Variants in COL23A1 observed in about 807,000 individuals in gnomAD.
COL23A1 encodes the protein collagen alpha-1(XXIII) chain.
COL23A1 carries 97 observed loss-of-function variants against 99.3 expected under a neutral mutation model. The observed-to-expected ratio is 0.98, with a 90% CI of 0.83 to 1.16. The LOEUF (loss-of-function observed/expected upper bound fraction) is 1.16. Ranked by LOEUF, COL23A1 falls within the 50% of genes most tolerant of loss-of-function variation. COL23A1 has a pLI of 0.00. For missense variants in COL23A1, 762 were observed against 757.4 expected, an observed-to-expected ratio of 1.01 and a Z score of -0.07; for synonymous variants, 320 against 308.2, an observed-to-expected ratio of 1.04 and a Z score of -0.40.
At chr5:178,471,507 C>G (rs2546638) in intron 2 of COL23A1, among the ~76,000 whole-genome samples, 120,386 of 151,236 alleles carry the variant, frequency 0.8, 49,050 homozygotes, top group Non-Finnish European at 0.9. Context: ...CCAAAGTGCT[C>G]GGATTACGGG....
intron 2 of COL23A1, among the ~76,000 whole-genome samples, chr5:178,478,019 G>T (rs562238514): frequency 6.6e-6 from 1 of 152,330 alleles, no homozygotes; most frequent in African/African-American, 2.4e-5. Context: ...CCAGGGTGTG[G>T]GAGGAGGGAG....
At chr5:178,294,079 C>T (rs147912099) in intron 3 of COL23A1, among the ~76,000 whole-genome samples, 30 of 152,102 alleles carry the variant, frequency 2.0e-4, no homozygotes, top group African/African-American at 6.8e-4. Context: ...AGAATGACAC[C>T]CCATCACCAC....
At chr5:178,522,951 C>T (rs1000554850) in intron 2 of COL23A1, among the ~76,000 whole-genome samples, 3 of 151,418 alleles carry the variant, frequency 2.0e-5, no homozygotes, top group Non-Finnish European at 4.4e-5. Context: ...TGGGCATCCC[C>T]TGCCCTATAC....
chr5:178,539,611 T>C (rs959608967), intron 2 of COL23A1, among the ~76,000 whole-genome samples: 1 of 140,306 alleles, frequency 7.1e-6, no homozygotes, highest in African/African-American at 2.6e-5. Context: ...TGAAGCAGAG[T>C]TCTCTATTAA....
chr5:178,527,408 T>C lies in COL23A1; in HGVS notation c.361+33274A>G, dbSNP rs1760370417. 2.6e-5 allele frequency among the ~76,000 whole-genome samples: 4 copies of C among 152,214 alleles called. No individual in the cohort carries two copies. In the South Asian group the frequency reaches 8.3e-4, roughly 32 times the overall value. On this transcript the variant is annotated intron_variant, in intron 2 of 28. Coordinates refer to ENST00000390654, the MANE Select transcript of COL23A1 (RefSeq NM_173465.4). ...CATCTGTCTGTCCTGAGATCAGCGGTTGACCCCCTCATCTCTCTTCCCTGG... is the reference window on the plus strand; with the variant it reads ...CATCTGTCTGTCCTGAGATCAGCGGCTGACCCCCTCATCTCTCTTCCCTGG...
chr5:178,258,262 T>TATATATATATATATATATACACACAC, intron 12 of COL23A1, among the ~76,000 whole-genome samples: 2 of 104,128 alleles, frequency 1.9e-5, no homozygotes, highest in Non-Finnish European at 4.5e-5. Flanking sequence ...TATATATATA[T>TATATATATATATATATATACACACAC]ACACATGCAA....
In COL23A1 at chr5:178,256,356, G is replaced by A. The variant is rs1417265827; in HGVS notation, c.879C>T (p.Pro293=). The A allele has an allele frequency of 1.9e-6, 3 of 1,602,800 alleles. No homozygotes were observed. Among genetic ancestry groups the A allele is most frequent in the South Asian group, 1.1e-5 (1 of 89,982 alleles). ...CGCCTGAGGGGCGGCAGCTTACCCG[G>A]GGCCCTGCAGCTCCATCCGTGCCTC... ...GHRGTDGAAG[P]RGAPGLKGEQ... The change falls in exon 15 of 29, where the codon CCC becomes CCT. Residue 293 remains proline, a synonymous_variant. Coordinates refer to ENST00000390654, the MANE Select transcript of COL23A1 (RefSeq NM_173465.4).
At chr5:178,502,730 T>G (rs1398993411) in intron 2 of COL23A1, among the ~76,000 whole-genome samples, 1 of 152,244 alleles carries the variant, frequency 6.6e-6, no homozygotes, top group East Asian at 1.9e-4. Flanking sequence ...ATTCACATAG[T>G]TGACGGTCCA....
chr5:178,414,022 A>G (rs1186373833), intron 2 of COL23A1, among the ~76,000 whole-genome samples: 3 of 152,166 alleles, frequency 2.0e-5, no homozygotes. Context: ...ACCAGCCTGC[A>G]GCTGGGGCTA....
intron 2 of COL23A1, among the ~76,000 whole-genome samples, chr5:178,553,148 C>T (rs1161935796): frequency 3.5e-5 from 5 of 143,288 alleles, no homozygotes; most frequent in African/African-American, 5.2e-5. Context: ...TCTGCCTGGC[C>T]GACAGAGTGA....
In COL23A1 at chr5:178,325,488, CT is replaced by C. The variant is rs35087291; in HGVS notation, c.362-18570del. Reference sequence around the variant, plus strand: ...CAAGTCTCCAACATCCTTTCTCCCTCTTTTTTTTTTTGGCCAGGAAAACTCC... The same window carrying C: ...CAAGTCTCCAACATCCTTTCTCCCTCTTTTTTTTTTGGCCAGGAAAACTCC... On this transcript the variant is annotated intron_variant, in intron 2 of 28. Transcript: ENST00000390654. 1.3e-3 allele frequency among the ~76,000 whole-genome samples: 190 copies of C among 147,992 alleles called. 2 individuals carry two copies. The South Asian group carries it at 0.022, about 17-fold the overall frequency.
intron 2 of COL23A1, among the ~76,000 whole-genome samples, chr5:178,552,235 C>T (rs1562082591): frequency 6.6e-6 from 1 of 152,168 alleles, no homozygotes; most frequent in Non-Finnish European, 1.5e-5. Flanking sequence ...TCTGCAATTG[C>T]CTCTAAGAAT....
chr5:178,260,916 G>C (rs978222331), intron 11 of COL23A1, among the ~76,000 whole-genome samples: 27 of 152,192 alleles, frequency 1.8e-4, no homozygotes, highest in Admixed American at 1.4e-3. Flanking sequence ...GTGGATACTT[G>C]TCAACACACA....
At chr5:178,343,060 T>C (rs543211045) in intron 2 of COL23A1, among the ~76,000 whole-genome samples, 1 of 152,352 alleles carries the variant, frequency 6.6e-6, no homozygotes, top group Non-Finnish European at 1.5e-5. Flanking sequence ...CTTTGCACCC[T>C]GAATTTTACA....
intron 3 of COL23A1, among the ~76,000 whole-genome samples, chr5:178,291,247 C>T (rs914298310): frequency 4.6e-5 from 7 of 152,312 alleles, no homozygotes; most frequent in East Asian, 3.9e-4. Flanking sequence ...CGGCAGTCAG[C>T]GGCCAGCACG....
chr5:178,585,421 C>T (rs1291734131), intron 1 of COL23A1, among the ~76,000 whole-genome samples: 1 of 150,958 alleles, frequency 6.6e-6, no homozygotes. Flanking sequence ...TAACACTCCA[C>T]AGCCCTGGTT....
intron 2 of COL23A1, among the ~76,000 whole-genome samples, chr5:178,528,465 C>T (rs1760448423): frequency 1.3e-5 from 2 of 152,194 alleles, no homozygotes; most frequent in Admixed American, 1.3e-4. Context: ...GGCTGGTCTT[C>T]ACTCCCTGGC....
chr5:178,528,509 T>G (rs1486979096), intron 2 of COL23A1, among the ~76,000 whole-genome samples: 1 of 152,190 alleles, frequency 6.6e-6, no homozygotes, highest in Non-Finnish European at 1.5e-5. Context: ...GCAAGTGACT[T>G]GCACTCATTA....
chr5:178,389,762 C>T lies in COL23A1; in HGVS notation c.362-82843G>A, dbSNP rs1763865705. 5.3e-5 allele frequency among the ~76,000 whole-genome samples: 8 copies of T among 152,326 alleles called. No homozygotes were observed. In the South Asian group the frequency reaches 1.7e-3, roughly 32 times the overall value. On this transcript the variant is annotated intron_variant, in intron 2 of 28. Transcript: ENST00000390654. The stretch of plus-strand genomic sequence containing the variant: ...TGACAAGGAGCTCCATGTCACATGG[C>T]TTCTCCCTGTGGCCTTGGTGAGCCC...
Sources: allele counts gnomAD v4.1 joint callset (sites outside exome capture counted in the v4.1 genomes callset), GRCh38; gene constraint gnomAD v4.1.1; transcripts MANE v1.5; gene names NCBI Gene and HGNC (gene_info 2026-07-23, HGNC 2026-07-21).